ZP2: variants seen among roughly 807,000 people sequenced by gnomAD.
The protein encoded by ZP2 is zona pellucida sperm-binding protein 2.
Under a neutral mutation model 84.0 loss-of-function variants are expected in ZP2, and 51 were observed. The observed-to-expected ratio is 0.61, with a 90% CI of 0.49 to 0.77. ZP2 has a LOEUF of 0.77. Ranked by LOEUF, ZP2 falls within the 30% of genes least tolerant of loss-of-function variation. The probability of loss-of-function intolerance (pLI) is 0.00; values close to 1 mark genes in which losing one functional copy is unlikely to be tolerated. For missense variants in ZP2, 909 were observed against 911.9 expected (o/e 1.00, Z 0.04); for synonymous variants, 375 against 330.9 (o/e 1.13, Z -1.45).
Position 21,199,874 on chromosome 16 carries a change from C to T in ZP2, c.1699G>A (p.Ala567Thr), listed in dbSNP as rs2093217500. The part of the protein sequence containing the change: ...PQWNVVVDGC[A>T]YDLDNYQTTF... ...GTCTGGTAGTTGTCCAGGTCATATGCACAGCTAGGAGGTATGCACCAGGGA... is the reference window on the plus strand; with the variant it reads ...GTCTGGTAGTTGTCCAGGTCATATGTACAGCTAGGAGGTATGCACCAGGGA... Residue 567 changes from alanine to threonine, a missense_variant, in exon 15 of 19, where the codon GCA (alanine) becomes ACA (threonine). Coordinates refer to ENST00000574091, the MANE Select transcript of ZP2 (RefSeq NM_001376232.1). 5 of 1,612,330 alleles carry T rather than the reference C, an allele frequency of 3.1e-6. No homozygotes were observed. The highest frequency in any genetic ancestry group is 3.4e-6 in the Non-Finnish European group (4 of 1,179,998).
intron 5 of ZP2, 104 bp from the exon 6 acceptor site, chr16:21,205,879 G>A (rs2093247454): frequency 1.8e-6 from 2 of 1,096,930 alleles, no homozygotes; most frequent in Admixed American, 3.8e-5. Context: ...GGCCTGCTGT[G>A]GGATGCAGTG....
intron 7 of ZP2, 140 bp downstream of exon 7, chr16:21,205,280 C>T: frequency 3.1e-6 from 3 of 981,726 alleles, no homozygotes; most frequent in East Asian, 2.6e-5. Context: ...GGTGTGAATA[C>T]CCAGCGAAGT....
Position 21,210,056 on chromosome 16 carries a change from G to T in ZP2, c.235+53C>A. ...TGCTCCCCAAACAGGATTGACCTAA[G>T]CCAAAGGCTGTCTGCTAATCAGGAC... is the stretch of plus-strand genomic sequence containing the variant. On this transcript the variant is annotated intron_variant, in intron 3 of 18. Transcript: ENST00000574091. 4 of 1,538,950 alleles carry T rather than the reference G, an allele frequency of 2.6e-6. 1 individual carries two copies. The South Asian group carries it at 4.5e-5, about 17-fold the overall frequency.
chr16:21,206,773 T>A lies in ZP2; in HGVS notation c.483+65A>T, dbSNP rs569449031. The A allele has an allele frequency of 1.1e-4, 175 of 1,599,014 alleles. No individual in the cohort carries two copies. In the Middle Eastern group the frequency reaches 3.6e-3, roughly 33 times the overall value. On this transcript the variant is annotated intron_variant, in intron 5 of 18. Transcript: ENST00000574091. ...TCTGATTTCTAAGCCCCGCCCTGGTTAGATCATCATCATATTCCCCCTGCA... is the reference window on the plus strand; with the variant it reads ...TCTGATTTCTAAGCCCCGCCCTGGTAAGATCATCATCATATTCCCCCTGCA...
rs776072365 is a variant in ZP2 at position 21,206,934 on chromosome 16, G to A, written c.387C>T (p.His129=). ...AGAAGAACTGATACATGACAGCTCC[G>A]TGTCTTAAGGCAGCACTGTTGTTCA... ...RVMNNSAALR[H]GAVMYQFFCP... is the part of the protein sequence containing the mutation. Residue 129 remains histidine, a synonymous_variant, in exon 5 of 19, where the codon CAC becomes CAT. Transcript: ENST00000574091. 3.4e-5 allele frequency: 55 copies of A among 1,613,996 alleles called. No individual in the cohort carries two copies. Among genetic ancestry groups the A allele is most frequent in the Middle Eastern group, 1.6e-4 (1 of 6,084 alleles).
chr16:21,197,611 T>C lies in ZP2; in HGVS notation c.2107A>G (p.Thr703Ala). The C allele has an allele frequency of 6.2e-7, 1 of 1,614,214 alleles. No homozygotes were observed. The highest frequency in any genetic ancestry group is 1.1e-5 in the South Asian group (1 of 91,082). ...TCTCCAGCAGTCTTGTGCCCTTTGG[T>C]GTCCATAGCACCTACAAAGGAAGCA... Reference protein sequence around the residue: ...EEVGSRGAMDTKGHKTAGDVG... With the variant: ...EEVGSRGAMDAKGHKTAGDVG... The change falls in exon 19 of 19, where the codon ACC becomes GCC. Residue 703 changes from threonine (T) to alanine (A), a missense_variant. Coordinates refer to ENST00000574091, the MANE Select transcript of ZP2 (RefSeq NM_001376232.1).
chr16:21,207,033 C>T (rs747538755), intron 4 of ZP2, 43 bp from the exon 5 acceptor site: 1 of 1,608,482 alleles, frequency 6.2e-7, no homozygotes, highest in South Asian at 1.1e-5. Flanking sequence ...AGTACTGTAC[C>T]CCCATGGGAT....
chr16:21,211,891 T>C, upstream of ZP2: 1 of 853,792 alleles, frequency 1.2e-6, no homozygotes. Flanking sequence ...AATCATGGGC[T>C]TTATTGAGAA....
chr16:21,210,877 A>AATTTT (rs756734410), intron 2 of ZP2, among the ~76,000 whole-genome samples: 2 of 133,636 alleles, frequency 1.5e-5, no homozygotes, highest in Admixed American at 7.4e-5. Context: ...GCCTGGCTGC[A>AATTTT]TTTTTTTTTT....
intron 9 of ZP2, 82 bp from the exon 10 acceptor site, chr16:21,203,333 A>G (rs954645841): frequency 3.2e-6 from 5 of 1,571,634 alleles, no homozygotes; most frequent in African/African-American, 1.3e-5. Context: ...CAAGTCCACT[A>G]AATACTTGCA....
At chr16:21,209,825 C>A in intron 3 of ZP2, 100 bp from the exon 4 acceptor site, 1 of 1,058,262 alleles carries the variant, frequency 9.4e-7, no homozygotes, top group Non-Finnish European at 1.5e-6. Context: ...TAAGGTACTT[C>A]AGTCCCTTCA....
At position 21,206,880 on chromosome 16, in the gene ZP2, CT is replaced by C; in HGVS notation, c.440del (p.Gln147ArgfsTer51). 2 of 1,614,134 alleles carry C rather than the reference CT, an allele frequency of 1.2e-6. No homozygotes were observed. The highest frequency in any genetic ancestry group is 1.7e-6 in the Non-Finnish European group (2 of 1,180,016). ...FCPAMQVEET[Q>X]GLSASTICQK... ...GGCAGATTGTAGATGCTGAAAGCCC[CT>C]GGGTCTCTTCTACTTGCATAGCTGG... On this transcript the variant is annotated frameshift_variant, in exon 5 of 19. Transcript: ENST00000574091. LOFTEE classifies it high-confidence loss of function.
In ZP2 at chr16:21,197,639, C is replaced by T. The variant is rs1186808611; in HGVS notation, c.2096-17G>A. 1 of 1,614,030 alleles carries T rather than the reference C, an allele frequency of 6.2e-7. No individual in the cohort carries two copies. Among genetic ancestry groups the T allele is most frequent in the East Asian group, 2.2e-5 (1 of 44,882 alleles). ...CCATAGCACCTACAAAGGAAGCAGA[C>T]ATTTGAGTCTTAAGTATTTTTAAAT... On this transcript the variant is annotated splice_polypyrimidine_tract_variant and intron_variant, in intron 18 of 18. Coordinates refer to ENST00000574091, the MANE Select transcript of ZP2 (RefSeq NM_001376232.1).
At chr16:21,208,144 C>G (rs531255274) in intron 4 of ZP2, among the ~76,000 whole-genome samples, 1 of 152,084 alleles carries the variant, frequency 6.6e-6, no homozygotes, top group African/African-American at 2.4e-5. Context: ...TTGAGCCCAG[C>G]AGTTCTAGGC....
At chr16:21,210,275 G>A in intron 2 of ZP2, 83 bp from the exon 3 acceptor site, 2 of 1,097,580 alleles carry the variant, frequency 1.8e-6, no homozygotes, top group Non-Finnish European at 2.8e-6. Context: ...CTCTCAGATG[G>A]GAGGGATTCC....
At chr16:21,205,247 C>G (rs1251515177) in intron 7 of ZP2, among the ~76,000 whole-genome samples, 173 bp downstream of exon 7, 2 of 152,162 alleles carry the variant, frequency 1.3e-5, no homozygotes, top group Non-Finnish European at 2.9e-5. Flanking sequence ...CCCGCTTCAG[C>G]CTTCCAAAGT....
At chr16:21,207,821 A>C (rs776333829) in intron 4 of ZP2, among the ~76,000 whole-genome samples, 1 of 152,094 alleles carries the variant, frequency 6.6e-6, no homozygotes, top group Non-Finnish European at 1.5e-5. Flanking sequence ...ATGCCACTGC[A>C]TGCCAGCCTG....
At chr16:21,208,417 G>A (rs1433094463) in intron 4 of ZP2, among the ~76,000 whole-genome samples, 2 of 152,198 alleles carry the variant, frequency 1.3e-5, no homozygotes, top group Non-Finnish European at 2.9e-5. Flanking sequence ...TACAGTTCAA[G>A]CCTGTTTACA....
chr16:21,205,977 G>A (rs2152855803), intron 5 of ZP2: 2 of 599,096 alleles, frequency 3.3e-6, no homozygotes, highest in East Asian at 2.9e-5. Context: ...GAAGATCTAA[G>A]CTCCTTTCCA....
Sources: gnomAD v4.1 joint callset for allele counts (sites outside exome capture counted in the v4.1 genomes callset) on GRCh38, gnomAD v4.1.1 for gene constraint, MANE v1.5 for transcripts, NCBI Gene and HGNC (gene_info 2026-07-23, HGNC 2026-07-21) for gene names.